The following UBE2U variants were observed in gnomAD, a reference collection of about 807,000 sequenced individuals.
UBE2U encodes the protein ubiquitin-conjugating enzyme E2 U.
UBE2U carries 39 observed loss-of-function variants against 41.2 expected under a neutral mutation model. That is an observed-to-expected ratio of 0.95 (90% CI 0.73 to 1.24). UBE2U has a LOEUF of 1.24. Among genes scored for constraint, UBE2U ranks in the 50% most tolerant of loss-of-function variants. UBE2U has a pLI of 0.00. For synonymous variants in UBE2U, 107 were observed against 117.8 expected (o/e 0.91, Z 0.60); for missense variants, 336 against 363.1 (o/e 0.93, Z 0.61).
At chr1:64,239,157 A>AAGAAGAAGAAGAAGAAGAAGAAGAAG in intron 7 of UBE2U, among the ~76,000 whole-genome samples, 10 of 37,022 alleles carry the variant, frequency 2.7e-4, no homozygotes, top group Non-Finnish European at 4.7e-4. Flanking sequence ...GAAGAAGAAG[A>AAGAAGAAGAAGAAGAAGAAGAAGAAG]AAGAAGAAGA....
At chr1:64,242,338 CATT>C (rs1644849312) in intron 8 of UBE2U, among the ~76,000 whole-genome samples, 3 of 152,070 alleles carry the variant, frequency 2.0e-5, no homozygotes, top group Non-Finnish European at 4.4e-5. Flanking sequence ...ACAAAGATGC[CATT>C]TCAGTTCTGT....
chr1:64,226,515 A>G (rs1435476683), intron 6 of UBE2U, among the ~76,000 whole-genome samples: 1 of 152,192 alleles, frequency 6.6e-6, no homozygotes, highest in Non-Finnish European at 1.5e-5. Flanking sequence ...ATTGAGTGTA[A>G]ATTATGCTGC....
At chr1:64,208,526 C>A (rs1318396891) in intron 3 of UBE2U, among the ~76,000 whole-genome samples, 1 of 134,206 alleles carries the variant, frequency 7.5e-6, no homozygotes, top group Non-Finnish European at 1.5e-5. Context: ...ATTGCTTGAG[C>A]CCAGGAGGTC....
intron 7 of UBE2U, among the ~76,000 whole-genome samples, chr1:64,234,382 C>T (rs1644627603): frequency 6.6e-6 from 1 of 152,098 alleles, no homozygotes; most frequent in African/African-American, 2.4e-5. Flanking sequence ...TTATCTGCTG[C>T]AACATTATGA....
chr1:64,215,494 T>C (rs1258538930), intron 5 of UBE2U: 1 of 152,418 alleles, frequency 6.6e-6, no homozygotes, highest in Middle Eastern at 3.2e-3. Context: ...GCATGGATGG[T>C]GCCAAATGAA....
chr1:64,256,922 C>A (rs142862930), intron 8 of UBE2U, among the ~76,000 whole-genome samples: 233 of 133,500 alleles, frequency 1.7e-3, no homozygotes, highest in Non-Finnish European at 3.0e-3. Flanking sequence ...AAAAAAAAAA[C>A]CATTAAAAAA....
intron 5 of UBE2U, among the ~76,000 whole-genome samples, chr1:64,216,380 T>C (rs1652015596): frequency 6.6e-6 from 1 of 152,216 alleles, no homozygotes; most frequent in Admixed American, 6.5e-5. Context: ...TTCTAAAGGC[T>C]GAAGAAACTG....
chr1:64,253,669 C>T (rs766302600), intron 8 of UBE2U, among the ~76,000 whole-genome samples: 5 of 152,204 alleles, frequency 3.3e-5, no homozygotes, highest in South Asian at 2.1e-4. Flanking sequence ...AACTAACCTT[C>T]GTAAGTGAAG....
intron 8 of UBE2U, among the ~76,000 whole-genome samples, chr1:64,242,281 T>C (rs1231245687): frequency 1.3e-5 from 2 of 152,302 alleles, no homozygotes; most frequent in East Asian, 1.9e-4. Flanking sequence ...ATCTCATCTT[T>C]GGTCTTTTGA....
At position 64,239,129 on chromosome 1, in the gene UBE2U, G is replaced by GA. The variant is rs767685167; in HGVS notation, c.596-2521dup. Among the ~76,000 whole-genome samples, 3 of 26,292 alleles carry GA rather than the reference G, an allele frequency of 1.1e-4. 1 individual carries two copies. Among genetic ancestry groups the GA allele is most frequent in the South Asian group, 3.2e-3 (1 of 316 alleles). 17.2% of individuals were successfully genotyped at this position (26,292 alleles called of 152,430 possible). Reference sequence around the variant, plus strand: ...AGAAGAAGAAGAAGAAGAAGAAGAAGAAGAAGAAGAAGAAGAAGAAGAAGA... The same window carrying GA: ...AGAAGAAGAAGAAGAAGAAGAAGAAGAAAGAAGAAGAAGAAGAAGAAGAAGA... On this transcript the variant is annotated intron_variant, in intron 7 of 9. Coordinates refer to ENST00000371077, the MANE Select transcript of UBE2U (RefSeq NM_001366232.2).
intron 9 of UBE2U, among the ~76,000 whole-genome samples, chr1:64,260,993 C>A (rs1645172438): frequency 1.3e-5 from 2 of 152,156 alleles, no homozygotes; most frequent in East Asian, 1.9e-4. Context: ...GAAAAAGCAG[C>A]CAAAACACAC....
Position 64,203,990 on chromosome 1 carries a change from A to C in UBE2U, c.-61A>C. 2.0e-6 allele frequency: 3 copies of C among 1,524,310 alleles called. No individual in the cohort carries two copies. The highest frequency in any genetic ancestry group is 2.7e-6 in the Non-Finnish European group (3 of 1,108,452). 94.4% of individuals were successfully genotyped at this position (1,524,310 alleles called of 1,614,324 possible). A position where few individuals can be genotyped will look rare whatever the true frequency, so the allele number is the denominator to read the frequency against. ...GGGAAAGTGACCCATAACTTCAAAC[A>C]TCTGCCTCAGAGTAAACCTGAGGCA... On this transcript the variant is annotated 5_prime_UTR_variant, in exon 1 of 10. Transcript: ENST00000371077.
intron 8 of UBE2U, among the ~76,000 whole-genome samples, chr1:64,257,652 T>TAACGA (rs1447308921): frequency 6.6e-6 from 1 of 152,034 alleles, no homozygotes; most frequent in Non-Finnish European, 1.5e-5. Context: ...TCAGGAAGAA[T>TAACGA]AGCTAATGGA....
At chr1:64,220,316 C>T (rs751165130) in intron 5 of UBE2U, among the ~76,000 whole-genome samples, 14 of 151,854 alleles carry the variant, frequency 9.2e-5, no homozygotes, top group Non-Finnish European at 1.8e-4. Context: ...GACAGCTGGA[C>T]GAGGGGAGAG....
chr1:64,251,263 C>CTA (rs1044640728), intron 8 of UBE2U, among the ~76,000 whole-genome samples: 4 of 151,166 alleles, frequency 2.6e-5, no homozygotes, highest in Non-Finnish European at 5.9e-5. Context: ...CTGATATAAA[C>CTA]TATACTTGGT....
chr1:64,254,132 C>T (rs1645054842), intron 8 of UBE2U, among the ~76,000 whole-genome samples: 1 of 152,138 alleles, frequency 6.6e-6, no homozygotes, highest in Non-Finnish European at 1.5e-5. Context: ...TGAAAACAGA[C>T]TTTAAACCAA....
At chr1:64,219,317 T>C (rs941243017) in intron 5 of UBE2U, among the ~76,000 whole-genome samples, 1 of 145,176 alleles carries the variant, frequency 6.9e-6, no homozygotes, top group Non-Finnish European at 1.6e-5. Flanking sequence ...TGTGATTTAT[T>C]CTTTTTTTTT....
rs1478155957 is a variant in UBE2U, at chr1:64,214,920, A to C, written c.445A>C (p.Arg149=). The change falls in exon 5 of 10, where the codon AGG becomes CGG. Residue 149 remains arginine, a synonymous_variant. Transcript: ENST00000371077. ...CAGAACAATTCTAAGACTTTTCAAC[A>C]GGCCATTACAAAGTAAGAAGTATCT... The part of the protein sequence containing the change: ...LYRTILRLFN[R]PLQMKDDSQE... The C allele has an allele frequency of 6.2e-7, 1 of 1,613,524 alleles. No homozygotes were observed. The highest frequency in any genetic ancestry group is 1.3e-5 in the African/African-American group (1 of 74,948).
intron 6 of UBE2U, among the ~76,000 whole-genome samples, chr1:64,226,758 TCAAA>T (rs1557717687): frequency 6.6e-6 from 1 of 151,186 alleles, no homozygotes; most frequent in Non-Finnish European, 1.5e-5. Context: ...AAAAAGGTAT[TCAAA>T]CCTTTTCAGT....
Sources: allele counts gnomAD v4.1 joint callset (sites outside exome capture counted in the v4.1 genomes callset), GRCh38; gene constraint gnomAD v4.1.1; transcripts MANE v1.5; gene names NCBI Gene and HGNC (gene_info 2026-07-23, HGNC 2026-07-21).